Variants in FYB1 observed in about 807,000 individuals in gnomAD.
FYB1 encodes the protein FYN-binding protein 1.
FYB1 carries 41 observed loss-of-function variants against 94.1 expected under a neutral mutation model. That is an observed-to-expected ratio of 0.44 (90% CI 0.34 to 0.57). The LOEUF is 0.57. Among genes scored for constraint, FYB1 ranks in the 20% least tolerant of loss-of-function variants. The pLI is 0.02. For synonymous variants in FYB1, 367 were observed against 353.2 expected (o/e 1.04, Z -0.44); for missense variants, 1,050 against 976.8 (o/e 1.07, Z -1.00).
chr5:39,120,796 G>A (rs903090518), intron 14 of FYB1, among the ~76,000 whole-genome samples: 1 of 151,958 alleles, frequency 6.6e-6, no homozygotes, highest in Non-Finnish European at 1.5e-5. Flanking sequence ...CTTAGCTTTC[G>A]TTCATTCATT....
At chr5:39,135,815 T>C (rs1487595993) in intron 7 of FYB1, among the ~76,000 whole-genome samples, 3 of 152,168 alleles carry the variant, frequency 2.0e-5, no homozygotes, top group Non-Finnish European at 4.4e-5. Flanking sequence ...GGCTCAGTTC[T>C]CATATTTATT....
chr5:39,154,078 G>A (rs1285239817), intron 2 of FYB1, among the ~76,000 whole-genome samples: 1 of 152,136 alleles, frequency 6.6e-6, no homozygotes, highest in African/African-American at 2.4e-5. Flanking sequence ...GAGCCACTAT[G>A]CCCGGCCTTA....
intron 14 of FYB1, among the ~76,000 whole-genome samples, chr5:39,120,844 C>T (rs1193065588): frequency 6.6e-5 from 10 of 152,106 alleles, no homozygotes; most frequent in East Asian, 1.9e-4. Context: ...TCAGGTTCTG[C>T]GTCTGCCCTC....
At chr5:39,209,929 A>T (rs1749209153) in intron 1 of FYB1, among the ~76,000 whole-genome samples, 1 of 152,222 alleles carries the variant, frequency 6.6e-6, no homozygotes, top group East Asian at 1.9e-4. Context: ...CCAATTGAAT[A>T]TCTATTTCAT....
intron 1 of FYB1, among the ~76,000 whole-genome samples, chr5:39,235,066 A>G (rs952163709): frequency 1.3e-4 from 19 of 151,262 alleles, no homozygotes; most frequent in African/African-American, 4.6e-4. Context: ...TAATAATAAT[A>G]ATAATAATAA....
At chr5:39,203,010 A>T (rs750910545) in intron 1 of FYB1, 23 bp from the exon 2 acceptor site, 346 of 1,602,900 alleles carry the variant, frequency 2.2e-4, no homozygotes, top group Non-Finnish European at 2.9e-4. Context: ...GGAACAAAAA[A>T]TAGCTGAGAG....
intron 11 of FYB1, 31 bp from the exon 12 acceptor site, chr5:39,126,166 T>C: frequency 6.2e-7 from 1 of 1,605,256 alleles, no homozygotes; most frequent in Non-Finnish European, 8.5e-7. Context: ...GATCAGAATG[T>C]AATAATCAGC....
intron 13 of FYB1, among the ~76,000 whole-genome samples, chr5:39,123,956 G>C (rs1740376414): frequency 6.6e-6 from 1 of 152,144 alleles, no homozygotes; most frequent in African/African-American, 2.4e-5. Flanking sequence ...AGCTTGGACT[G>C]AATTGAGGCT....
In FYB1 at chr5:39,119,032, T is replaced by C. The variant is rs564708712; in HGVS notation, c.2243A>G (p.Asp748Gly). 3.8e-6 allele frequency: 5 copies of C among 1,324,932 alleles called. No individual in the cohort carries two copies. Among genetic ancestry groups the C allele is most frequent in the East Asian group, 5.2e-5 (2 of 38,546 alleles). 82.1% of individuals were successfully genotyped at this position (1,324,932 alleles called of 1,614,324 possible). A position where few individuals can be genotyped will look rare whatever the true frequency, so the allele number is the denominator to read the frequency against. ...TGAATATAGGACTCTAATTTCACCA[T>C]CATACTAAAAAAAAAAGAACAATAT... Reference protein sequence around the residue: ...EKDFRKKFKYDGEIRVLYSTK... With the variant: ...EKDFRKKFKYGGEIRVLYSTK... The change falls in exon 16 of 19, where the codon GAT (aspartate) becomes GGT (glycine). Residue 748 changes from aspartate (D) to glycine (G), a missense_variant. Transcript: ENST00000512982.
At chr5:39,205,642 T>C (rs1178187721) in intron 1 of FYB1, among the ~76,000 whole-genome samples, 1 of 152,138 alleles carries the variant, frequency 6.6e-6, no homozygotes, top group Non-Finnish European at 1.5e-5. Flanking sequence ...CTGGCTTTGG[T>C]TTAGAAAATA....
chr5:39,197,999 T>C (rs1165166513), intron 2 of FYB1, among the ~76,000 whole-genome samples: 1 of 152,170 alleles, frequency 6.6e-6, no homozygotes, highest in East Asian at 1.9e-4. Context: ...TAATATAAAA[T>C]GATTTATACT....
chr5:39,117,992 A>AG (rs1160269912), intron 16 of FYB1, among the ~76,000 whole-genome samples: 2 of 152,034 alleles, frequency 1.3e-5, no homozygotes, highest in African/African-American at 4.8e-5. Context: ...GGAACTCCTC[A>AG]GCTCAAGTGA....
intron 1 of FYB1, among the ~76,000 whole-genome samples, chr5:39,239,919 G>A (rs559966614): frequency 6.6e-6 from 1 of 152,214 alleles, no homozygotes; most frequent in South Asian, 2.1e-4. Context: ...TATACTATAA[G>A]GCTACAGTAA....
intron 9 of FYB1, 62 bp from the exon 10 acceptor site, chr5:39,130,674 A>C: frequency 2.4e-6 from 3 of 1,235,734 alleles, no homozygotes; most frequent in Non-Finnish European, 2.3e-6. Context: ...GAGGAAGAGA[A>C]GTACATATCC....
intron 1 of FYB1, among the ~76,000 whole-genome samples, chr5:39,213,991 C>T (rs1749644666): frequency 6.6e-6 from 1 of 150,854 alleles, no homozygotes; most frequent in Non-Finnish European, 1.5e-5. Context: ...ACAACTTCGT[C>T]TGAATGAAAA....
At chr5:39,113,982 T>C (rs1006517016) in intron 16 of FYB1, among the ~76,000 whole-genome samples, 11 of 152,158 alleles carry the variant, frequency 7.2e-5, no homozygotes, top group African/African-American at 2.4e-4. Flanking sequence ...TGGACGACAT[T>C]TTAACTCTCT....
intron 2 of FYB1, among the ~76,000 whole-genome samples, chr5:39,156,045 T>G (rs1291012702): frequency 1.3e-5 from 2 of 152,092 alleles, no homozygotes; most frequent in Non-Finnish European, 2.9e-5. Context: ...AGAAAAATAT[T>G]TATTAGCCAT....
intron 9 of FYB1, among the ~76,000 whole-genome samples, chr5:39,133,089 A>G (rs80335623): frequency 0.014 from 2,152 of 152,342 alleles, 46 homozygotes; most frequent in African/African-American, 0.049. Flanking sequence ...AAAGCAGCAT[A>G]ACAAGCTTAA....
chr5:39,161,705 G>A (rs115355643), intron 2 of FYB1, among the ~76,000 whole-genome samples: 2,995 of 151,736 alleles, frequency 0.02, 69 homozygotes, highest in Non-Finnish European at 0.028. Flanking sequence ...TGAAGTATAA[G>A]TCACATAAAT....
Sources: allele counts gnomAD v4.1 joint callset (sites outside exome capture counted in the v4.1 genomes callset), GRCh38; gene constraint gnomAD v4.1.1; transcripts MANE v1.5; gene names NCBI Gene and HGNC (gene_info 2026-07-23, HGNC 2026-07-21).